Variants in CDH12 observed in about 807,000 individuals in gnomAD.
The protein encoded by CDH12 is cadherin-12.
Under a neutral mutation model 74.1 loss-of-function variants are expected in CDH12, and 41 were observed. That is an observed-to-expected ratio of 0.55 (90% CI 0.43 to 0.72). The LOEUF (loss-of-function observed/expected upper bound fraction) is 0.72, where lower values mean the gene tolerates loss of function less well. CDH12 is among the 30% of genes least tolerant of loss of function. The probability of loss-of-function intolerance (pLI) is 0.00; values close to 1 mark genes in which losing one functional copy is unlikely to be tolerated. For synonymous variants in CDH12, 399 were observed against 355.0 expected, an observed-to-expected ratio of 1.12 and a Z score of -1.39; for missense variants, 945 against 977.2, an observed-to-expected ratio of 0.97 and a Z score of 0.44.
At chr5:22,792,886 G>C (rs1747988254) in intron 1 of CDH12, among the ~76,000 whole-genome samples, 1 of 152,114 alleles carries the variant, frequency 6.6e-6, no homozygotes, top group Admixed American at 6.6e-5. Flanking sequence ...TATTTATTTA[G>C]ATAAAGGAAA....
intron 6 of CDH12, among the ~76,000 whole-genome samples, chr5:21,932,715 A>G (rs1368960839): frequency 6.6e-6 from 1 of 152,014 alleles, no homozygotes; most frequent in Non-Finnish European, 1.5e-5. Flanking sequence ...CCTGGCCAAC[A>G]TGACAAAACC....
intron 6 of CDH12, chr5:21,883,413 G>A (rs781778275): frequency 4.9e-5 from 77 of 1,569,938 alleles, no homozygotes; most frequent in Non-Finnish European, 4.1e-5. Context: ...GGTGATAATC[G>A]CTGAAGATGT....
At chr5:22,407,003 T>C (rs994482801) in intron 2 of CDH12, among the ~76,000 whole-genome samples, 12 of 150,344 alleles carry the variant, frequency 8.0e-5, no homozygotes, top group Non-Finnish European at 1.5e-4. Flanking sequence ...TTGGCTATGG[T>C]CACTTACTTA....
At chr5:22,073,353 C>T (rs1430212758) in intron 5 of CDH12, among the ~76,000 whole-genome samples, 1 of 152,094 alleles carries the variant, frequency 6.6e-6, no homozygotes, top group African/African-American at 2.4e-5. Context: ...AAAGAGGCAG[C>T]ATTTCTGGAT....
chr5:22,539,946 T>C lies in CDH12; in HGVS notation c.-522-34582A>G, dbSNP rs929385414. Reference sequence around the variant, plus strand: ...ATGTTAAGACAGCTATCAGACTGTTTTTAATTTACTCTCTTGGCATGGATC... The same window carrying C: ...ATGTTAAGACAGCTATCAGACTGTTCTTAATTTACTCTCTTGGCATGGATC... On this transcript the variant is annotated intron_variant, in intron 1 of 14. Coordinates refer to ENST00000382254, the MANE Select transcript of CDH12 (RefSeq NM_004061.5). Among the ~76,000 whole-genome samples, 6 of 152,190 alleles carry C rather than the reference T, an allele frequency of 3.9e-5. No homozygotes were observed. The East Asian group carries it at 5.8e-4, about 15-fold the overall frequency.
chr5:22,304,848 C>A (rs1464196800), intron 3 of CDH12, among the ~76,000 whole-genome samples: 7 of 152,082 alleles, frequency 4.6e-5, no homozygotes, highest in Admixed American at 4.6e-4. Context: ...ATTGGTTAAT[C>A]AAGAAAATAG....
intron 1 of CDH12, among the ~76,000 whole-genome samples, chr5:22,698,715 A>AGAGTG (rs1742533451): frequency 2.8e-5 from 1 of 35,510 alleles, no homozygotes; most frequent in Non-Finnish European, 4.8e-5. Flanking sequence ...ATATATATAT[A>AGAGTG]TATATATATA....
intron 3 of CDH12, among the ~76,000 whole-genome samples, chr5:22,283,239 TATATATATATATACACAC>T (rs1736985764): frequency 9.3e-6 from 1 of 107,940 alleles, no homozygotes; most frequent in African/African-American, 4.0e-5. Context: ...TATATATATA[TATATATATATATACACAC>T]ACACACACAC....
chr5:22,163,059 G>C (rs1748460280), intron 4 of CDH12, among the ~76,000 whole-genome samples: 1 of 151,934 alleles, frequency 6.6e-6, no homozygotes, highest in African/African-American at 2.4e-5. Flanking sequence ...ACCGCGCCCG[G>C]CTAATTTTTT....
At chr5:22,438,923 T>C (rs1371677020) in intron 2 of CDH12, among the ~76,000 whole-genome samples, 1 of 151,820 alleles carries the variant, frequency 6.6e-6, no homozygotes, top group Non-Finnish European at 1.5e-5. Flanking sequence ...AATGTCAATG[T>C]GATAATGTGA....
At chr5:22,801,812 T>C (rs1431003541) in intron 1 of CDH12, among the ~76,000 whole-genome samples, 1 of 151,436 alleles carries the variant, frequency 6.6e-6, no homozygotes, top group Non-Finnish European at 1.5e-5. Context: ...GGTATCACTA[T>C]AGTGTTTAAA....
intron 10 of CDH12, among the ~76,000 whole-genome samples, chr5:21,799,287 G>A (rs1272820935): frequency 1.3e-5 from 2 of 152,122 alleles, no homozygotes; most frequent in Non-Finnish European, 2.9e-5. Flanking sequence ...TTTAAGCAAA[G>A]TGTTAAAGGA....
intron 1 of CDH12, among the ~76,000 whole-genome samples, chr5:22,625,537 A>C (rs1738242695): frequency 6.6e-6 from 1 of 152,120 alleles, no homozygotes; most frequent in Non-Finnish European, 1.5e-5. Context: ...GTTGTAGTGG[A>C]GTATGGCCAG....
chr5:22,640,832 A>G (rs1739109178), intron 1 of CDH12, among the ~76,000 whole-genome samples: 1 of 152,150 alleles, frequency 6.6e-6, no homozygotes, highest in Non-Finnish European at 1.5e-5. Context: ...TTCCCTGCTT[A>G]TTCTCTGGTC....
intron 5 of CDH12, among the ~76,000 whole-genome samples, chr5:22,035,406 A>G (rs1739101984): frequency 6.6e-6 from 1 of 151,680 alleles, no homozygotes; most frequent in South Asian, 2.1e-4. Context: ...ATATATATGC[A>G]TGTCATAATG....
chr5:22,155,476 T>C (rs1286479742), intron 4 of CDH12, among the ~76,000 whole-genome samples: 2 of 152,130 alleles, frequency 1.3e-5, no homozygotes, highest in Admixed American at 6.6e-5. Flanking sequence ...TTTAAGCAGA[T>C]ATAAAGATCT....
intron 4 of CDH12, among the ~76,000 whole-genome samples, chr5:22,124,467 C>T (rs971719567): frequency 2.0e-5 from 3 of 152,124 alleles, no homozygotes; most frequent in African/African-American, 7.2e-5. Context: ...GAGGTCTGTG[C>T]ATGCCCTTGC....
At chr5:22,526,938 T>A (rs1737312919) in intron 1 of CDH12, among the ~76,000 whole-genome samples, 1 of 152,146 alleles carries the variant, frequency 6.6e-6, no homozygotes, top group South Asian at 2.1e-4. Flanking sequence ...GGGGAAATTA[T>A]CTCATGGTGG....
intron 2 of CDH12, among the ~76,000 whole-genome samples, chr5:22,432,659 T>C (rs978768026): frequency 2.3e-4 from 35 of 152,136 alleles, no homozygotes; most frequent in Non-Finnish European, 4.4e-4. Flanking sequence ...CAGCCTTCTT[T>C]AGAAGACTCT....
Sources: allele counts gnomAD v4.1 joint callset (sites outside exome capture counted in the v4.1 genomes callset), GRCh38; gene constraint gnomAD v4.1.1; transcripts MANE v1.5; gene names NCBI Gene and HGNC (gene_info 2026-07-23, HGNC 2026-07-21).